Variants in RSRC1 observed in about 807,000 individuals in gnomAD.
The protein encoded by RSRC1 is serine/Arginine-related protein 53.
In RSRC1, 39 loss-of-function variants were observed where a neutral mutation model predicts 49.1. The ratio of observed to expected loss-of-function variants is 0.79; its 90% CI spans 0.61 to 1.04. RSRC1 has a LOEUF of 1.04. Ranked by LOEUF, RSRC1 falls within the 50% of genes least tolerant of loss-of-function variation. RSRC1 has a pLI of 0.00. For missense variants in RSRC1, 388 were observed against 402.4 expected (o/e 0.96, Z 0.31); for synonymous variants, 143 against 130.8 (o/e 1.09, Z -0.63).
chr3:158,330,888 T>TA (rs11303833), intron 5 of RSRC1, among the ~76,000 whole-genome samples: 13 of 144,226 alleles, frequency 9.0e-5, no homozygotes, highest in African/African-American at 1.8e-4. Flanking sequence ...GGTAACTTAT[T>TA]AAAAAAAAAA....
At chr3:158,149,150 A>G (rs1717353784) in intron 3 of RSRC1, among the ~76,000 whole-genome samples, 2 of 152,180 alleles carry the variant, frequency 1.3e-5, no homozygotes, top group Non-Finnish European at 2.9e-5. Context: ...TTTACCTACT[A>G]CTGAGTACAG....
chr3:158,241,506 A>G (rs1452448418), intron 4 of RSRC1, among the ~76,000 whole-genome samples: 1 of 151,734 alleles, frequency 6.6e-6, no homozygotes, highest in Non-Finnish European at 1.5e-5. Context: ...AAGTGTCCAT[A>G]GTGCCTTATT....
chr3:158,399,074 A>G (rs1240058247), intron 6 of RSRC1, among the ~76,000 whole-genome samples: 1 of 146,380 alleles, frequency 6.8e-6, no homozygotes, highest in African/African-American at 2.5e-5. Flanking sequence ...AAATCTTTAC[A>G]TGGATTCTAC....
chr3:158,218,984 G>A (rs1722096337), intron 4 of RSRC1, among the ~76,000 whole-genome samples: 2 of 151,638 alleles, frequency 1.3e-5, no homozygotes, highest in Non-Finnish European at 3.0e-5. Flanking sequence ...AATGTAGTAA[G>A]AGTGCTGTGA....
chr3:158,207,773 T>C (rs1178940501), intron 4 of RSRC1, among the ~76,000 whole-genome samples: 3 of 151,864 alleles, frequency 2.0e-5, no homozygotes, highest in Non-Finnish European at 4.4e-5. Flanking sequence ...TGTTTATAAA[T>C]TGGGAAAAAC....
intron 6 of RSRC1, among the ~76,000 whole-genome samples, chr3:158,446,531 A>T (rs1212922727): frequency 1.3e-5 from 2 of 152,036 alleles, no homozygotes. Flanking sequence ...ATTTGCCTGT[A>T]ATAGAAAGAA....
chr3:158,197,072 A>G (rs1720670970), intron 3 of RSRC1, among the ~76,000 whole-genome samples: 1 of 152,142 alleles, frequency 6.6e-6, no homozygotes, highest in Admixed American at 6.5e-5. Flanking sequence ...TTTCAGAAGG[A>G]ATGGTATCAG....
At chr3:158,184,828 T>G (rs1319967992) in intron 3 of RSRC1, among the ~76,000 whole-genome samples, 1 of 152,124 alleles carries the variant, frequency 6.6e-6, no homozygotes, top group Non-Finnish European at 1.5e-5. Context: ...AATTAAGAGA[T>G]ATTAATATTT....
intron 6 of RSRC1, among the ~76,000 whole-genome samples, chr3:158,425,439 G>A (rs1462447283): frequency 1.3e-5 from 2 of 152,078 alleles, no homozygotes; most frequent in African/African-American, 4.8e-5. Context: ...ACTGTGGTCT[G>A]AGAGATAGTT....
At chr3:158,223,590 ATT>A (rs5853818) in intron 4 of RSRC1, among the ~76,000 whole-genome samples, 1 of 145,666 alleles carries the variant, frequency 6.9e-6, no homozygotes, top group African/African-American at 2.5e-5. Context: ...TAGCTTCCTG[ATT>A]TTTTTTTTTG....
At position 158,521,866 on chromosome 3, in the gene RSRC1, T is replaced by C. The variant is rs975461212; in HGVS notation, c.653-15226T>C. 3.3e-5 allele frequency among the ~76,000 whole-genome samples: 5 copies of C among 152,152 alleles called. 1 individual carries two copies. Among genetic ancestry groups the C allele is most frequent in the African/African-American group, 9.7e-5 (4 of 41,438 alleles). On this transcript the variant is annotated intron_variant, in intron 7 of 9. Transcript: ENST00000611884. Reference sequence around the variant, plus strand: ...TCCCATTTGTTAATTCCTTTATTTATTTGTTTATGCTATGCTTCCTATATC... The same window carrying C: ...TCCCATTTGTTAATTCCTTTATTTACTTGTTTATGCTATGCTTCCTATATC...
chr3:158,116,960 A>C (rs1051205538), intron 1 of RSRC1, among the ~76,000 whole-genome samples: 1 of 152,156 alleles, frequency 6.6e-6, no homozygotes, highest in Non-Finnish European at 1.5e-5. Flanking sequence ...CATGGAGCAC[A>C]CTGTCGAGTA....
At chr3:158,208,966 C>T (rs917576641) in intron 4 of RSRC1, among the ~76,000 whole-genome samples, 5 of 152,102 alleles carry the variant, frequency 3.3e-5, no homozygotes, top group Admixed American at 1.3e-4. Context: ...GGTATAAAAC[C>T]TCTTTAAATA....
At chr3:158,256,277 T>C (rs868273349) in intron 4 of RSRC1, among the ~76,000 whole-genome samples, 1 of 152,328 alleles carries the variant, frequency 6.6e-6, no homozygotes, top group Middle Eastern at 3.4e-3. Flanking sequence ...TGAAGGGCTG[T>C]TGAATTTTGT....
intron 4 of RSRC1, among the ~76,000 whole-genome samples, chr3:158,214,265 T>G (rs965601352): frequency 1.3e-5 from 2 of 151,844 alleles, no homozygotes; most frequent in Non-Finnish European, 2.9e-5. Flanking sequence ...TTGTTGAGTT[T>G]ATATTCATAG....
At chr3:158,329,826 C>G (rs1028958462) in intron 5 of RSRC1, among the ~76,000 whole-genome samples, 1 of 152,206 alleles carries the variant, frequency 6.6e-6, no homozygotes, top group Non-Finnish European at 1.5e-5. Context: ...TGCCCTGCCC[C>G]CAGAGGTGGA....
At chr3:158,527,534 C>G (rs138203367) in intron 7 of RSRC1, among the ~76,000 whole-genome samples, 1 of 151,846 alleles carries the variant, frequency 6.6e-6, no homozygotes, top group Non-Finnish European at 1.5e-5. Context: ...TACTACCATC[C>G]TCTAATAAAC....
At chr3:158,254,721 C>T (rs563935464) in intron 4 of RSRC1, among the ~76,000 whole-genome samples, 3 of 151,874 alleles carry the variant, frequency 2.0e-5, no homozygotes, top group South Asian at 4.2e-4. Flanking sequence ...TGTGAGTGAC[C>T]GCACCTGGCC....
intron 3 of RSRC1, among the ~76,000 whole-genome samples, chr3:158,148,222 T>C (rs754407045): frequency 6.6e-6 from 1 of 152,210 alleles, no homozygotes; most frequent in Non-Finnish European, 1.5e-5. Flanking sequence ...TCTTGTTTGG[T>C]GCATGTAAGA....
Sources: gnomAD v4.1 joint callset for allele counts (sites outside exome capture counted in the v4.1 genomes callset) on GRCh38, gnomAD v4.1.1 for gene constraint, MANE v1.5 for transcripts, NCBI Gene and HGNC (gene_info 2026-07-23, HGNC 2026-07-21) for gene names.